Variants in TMEM128 observed in about 807,000 individuals in gnomAD.
The protein encoded by TMEM128 is transmembrane protein 128.
Under a neutral mutation model 19.7 loss-of-function variants are expected in TMEM128, and 16 were observed. The observed-to-expected ratio is 0.81, with a 90% CI of 0.55 to 1.23. TMEM128 has a LOEUF of 1.23. Among genes scored for constraint, TMEM128 ranks in the 50% most tolerant of loss-of-function variants. TMEM128 has a pLI of 0.00. For synonymous variants in TMEM128, 98 were observed against 75.8 expected (o/e 1.29, Z -1.52); for missense variants, 237 against 200.8 (o/e 1.18, Z -1.09).
intron 1 of TMEM128, 128 bp from the exon 2 acceptor site, chr4:4,246,471 T>A: frequency 2.1e-6 from 2 of 944,250 alleles, no homozygotes; most frequent in African/African-American, 1.7e-5. Flanking sequence ...AATCCTTCTG[T>A]AAAACCCTTG....
intron 3 of TMEM128, among the ~76,000 whole-genome samples, chr4:4,238,453 T>C (rs1248727323): frequency 4.6e-5 from 7 of 152,182 alleles, no homozygotes; most frequent in Middle Eastern, 3.2e-3. Context: ...AAGAACAGAA[T>C]AGGGAAAACT....
chr4:4,240,830 C>T (rs968996482), intron 2 of TMEM128, among the ~76,000 whole-genome samples: 4 of 152,212 alleles, frequency 2.6e-5, no homozygotes, highest in Non-Finnish European at 5.9e-5. Context: ...ATAATCCCAA[C>T]ACTTTGGAAG....
At chr4:4,247,734 T>G in intron 1 of TMEM128, 1 of 1,581,902 alleles carries the variant, frequency 6.3e-7, no homozygotes, top group Non-Finnish European at 8.6e-7. Flanking sequence ...AGCTTTCTGC[T>G]GACGGGCAAG....
chr4:4,248,176 C>T lies in TMEM128; in HGVS notation c.27G>A (p.Gln9=), dbSNP rs751535619. 1.3e-6 allele frequency: 2 copies of T among 1,531,764 alleles called. No individual in the cohort carries two copies. Among genetic ancestry groups the T allele is most frequent in the South Asian group, 2.4e-5 (2 of 83,424 alleles). 94.9% of individuals were successfully genotyped at this position (1,531,764 alleles called of 1,614,324 possible). A position where few individuals can be genotyped will look rare whatever the true frequency, so the allele number is the denominator to read the frequency against. ...GCAGGAGGAGGAATCGCCGCCGGAG[C>T]TGCTGCCGGGCCCGCGAGGAGTCCA... The part of the protein sequence containing the change: MDSSRARQ[Q]LRRRFLLLPD... Residue 9 remains glutamine (Q), a synonymous_variant, in exon 1 of 5, where the codon CAG becomes CAA. Transcript: ENST00000382753.
rs762954025 is a variant in TMEM128, at chr4:4,240,356, G to C, written c.363C>G (p.Pro121=). Residue 121 remains proline, a synonymous_variant, in exon 3 of 5, where the codon CCC becomes CCG. Transcript: ENST00000382753. ...EYDVKYPALI[P]ITTASFIAAG... is the part of the protein sequence containing the mutation. ...CTGCAATAAAGGAGGCAGTGGTAAT[G>C]GGTATCAAGGCTGGATACTTGACAT... 6.2e-7 allele frequency: 1 copy of C among 1,614,082 alleles called. No individual in the cohort carries two copies. The highest frequency in any genetic ancestry group is 2.2e-5 in the East Asian group (1 of 44,876).
intron 4 of TMEM128, chr4:4,237,045 T>G (rs1268735185): frequency 2.2e-6 from 1 of 452,280 alleles, no homozygotes; most frequent in Admixed American, 2.4e-5. Flanking sequence ...CAGCCTCCAC[T>G]GTGTAAGGCA....
Position 4,248,093 on chromosome 4 carries a change from G to A in TMEM128, c.97+13C>T, listed in dbSNP as rs565155252. 7.2e-6 allele frequency: 11 copies of A among 1,535,646 alleles called. No individual in the cohort carries two copies. Among genetic ancestry groups the A allele is most frequent in the Admixed American group, 2.0e-5 (1 of 50,670 alleles). The stretch of plus-strand genomic sequence containing the variant: ...CCTCTGAGAACCTCGGGGCGGCTTG[G>A]TGCGCGCCTCACCCGGCCCGGCGTC... On this transcript the variant is annotated intron_variant, in intron 1 of 4. Coordinates refer to ENST00000382753, the MANE Select transcript of TMEM128 (RefSeq NM_001297551.2).
At position 4,246,227 on chromosome 4, in the gene TMEM128, G is replaced by C. The variant is rs751176943; in HGVS notation, c.214C>G (p.Leu72Val). 2.7e-5 allele frequency: 43 copies of C among 1,604,490 alleles called. No homozygotes were observed. Among genetic ancestry groups the C allele is most frequent in the Non-Finnish European group, 3.2e-5 (38 of 1,176,842 alleles). The change falls in exon 2 of 5, where the codon CTT becomes GTT. Residue 72 changes from leucine (L) to valine (V), a missense_variant. By Grantham distance (32) the Leu-to-Val change is conservative (BLOSUM62 1). Coordinates refer to ENST00000382753, the MANE Select transcript of TMEM128 (RefSeq NM_001297551.2). ...VTYYVDFFKTLKENFHTSSWF... is the reference protein window; with the variant it reads ...VTYYVDFFKTVKENFHTSSWF... The stretch of plus-strand genomic sequence containing the variant: ...CTGCTAGTGTGGAAGTTTTCTTTAA[G>C]GGTTTTAAAGAAGTCAACATAATAG...
intron 2 of TMEM128, among the ~76,000 whole-genome samples, chr4:4,244,028 G>A (rs1174523081): frequency 6.6e-6 from 1 of 152,082 alleles, no homozygotes; most frequent in Non-Finnish European, 1.5e-5. Flanking sequence ...CATACCATGC[G>A]GCCTGGTAAC....
intron 2 of TMEM128, among the ~76,000 whole-genome samples, chr4:4,241,034 G>T (rs1481736131): frequency 2.0e-5 from 3 of 152,156 alleles, no homozygotes; most frequent in African/African-American, 7.2e-5. Context: ...CTGAGATGGC[G>T]CCATTGCACT....
chr4:4,242,780 A>G lies in TMEM128; in HGVS notation c.240-2301T>C, dbSNP rs145354238. ...GTGATCCATCCACCTTGGCCTCCCAAAGTGCTCGGATTACAGGCATGAGCC... is the reference window on the plus strand; with the variant it reads ...GTGATCCATCCACCTTGGCCTCCCAGAGTGCTCGGATTACAGGCATGAGCC... On this transcript the variant is annotated intron_variant, in intron 2 of 4. Coordinates refer to ENST00000382753, the MANE Select transcript of TMEM128 (RefSeq NM_001297551.2). 1.9e-3 allele frequency among the ~76,000 whole-genome samples: 294 copies of G among 152,150 alleles called. 1 individual carries two copies. The highest frequency in any genetic ancestry group is 6.6e-3 in the African/African-American group (272 of 41,500).
At chr4:4,245,761 T>G (rs997833308) in intron 2 of TMEM128, among the ~76,000 whole-genome samples, 1 of 151,986 alleles carries the variant, frequency 6.6e-6, no homozygotes, top group African/African-American at 2.4e-5. Flanking sequence ...GATATATATA[T>G]ACACACACAC....
intron 3 of TMEM128, among the ~76,000 whole-genome samples, chr4:4,238,471 A>C (rs1717813776): frequency 6.6e-6 from 1 of 152,240 alleles, no homozygotes; most frequent in Non-Finnish European, 1.5e-5. Context: ...ACTATATTCA[A>C]ATAAGTTCAG....
intron 3 of TMEM128, among the ~76,000 whole-genome samples, chr4:4,238,276 T>A (rs112767133): frequency 0.049 from 7,510 of 152,254 alleles, 249 homozygotes; most frequent in African/African-American, 0.092. Flanking sequence ...CATCACACAC[T>A]AAACTATCAT....
At chr4:4,248,002 A>G (rs1718265988) in intron 1 of TMEM128, 104 bp downstream of exon 1, 1 of 1,471,432 alleles carries the variant, frequency 6.8e-7, no homozygotes, top group African/African-American at 1.4e-5. Context: ...CGACTTGCAA[A>G]GCCGAAACTC....
intron 4 of TMEM128, chr4:4,237,120 C>T (rs1029498854): frequency 8.8e-6 from 4 of 452,178 alleles, no homozygotes; most frequent in Admixed American, 7.2e-5. Flanking sequence ...CAAACGAAAG[C>T]TGATTGTGTC....
chr4:4,236,627 T>G (rs1717734265), intron 4 of TMEM128, among the ~76,000 whole-genome samples: 1 of 152,198 alleles, frequency 6.6e-6, no homozygotes, highest in Non-Finnish European at 1.5e-5. Flanking sequence ...GGGTTCCCAG[T>G]GGTCCCAAGA....
rs776617288 is a variant in TMEM128 at position 4,240,342 on chromosome 4, G to T, written c.377C>A (p.Ser126Tyr). Residue 126 changes from serine to tyrosine, a missense_variant, in exon 3 of 5, where the codon TCC (serine) becomes TAC (tyrosine). By Grantham distance (144) the Ser-to-Tyr change is moderately radical. Coordinates refer to ENST00000382753, the MANE Select transcript of TMEM128 (RefSeq NM_001297551.2). Reference sequence around the variant, plus strand: ...TTACCAAATTCCTGCTGCAATAAAGGAGGCAGTGGTAATGGGTATCAAGGC... The same window carrying T: ...TTACCAAATTCCTGCTGCAATAAAGTAGGCAGTGGTAATGGGTATCAAGGC... ...YPALIPITTA[S>Y]FIAAGICFNI... is the part of the protein sequence containing the mutation. 3.7e-6 allele frequency: 6 copies of T among 1,613,530 alleles called. No homozygotes were observed. The highest frequency in any genetic ancestry group is 5.1e-6 in the Non-Finnish European group (6 of 1,179,796).
chr4:4,246,404 C>T, intron 1 of TMEM128, 61 bp from the exon 2 acceptor site: 1 of 1,507,988 alleles, frequency 6.6e-7, no homozygotes. Context: ...AAAAATTACA[C>T]TTAAGCCAAA....
Sources: gnomAD v4.1 joint callset for allele counts (sites outside exome capture counted in the v4.1 genomes callset) on GRCh38, gnomAD v4.1.1 for gene constraint, MANE v1.5 for transcripts, NCBI Gene and HGNC (gene_info 2026-07-23, HGNC 2026-07-21) for gene names.